Variants in COBL observed in about 807,000 individuals in gnomAD.
COBL encodes the protein protein cordon-bleu.
In COBL, 51 loss-of-function variants were observed where a neutral mutation model predicts 98.8. The ratio of observed to expected loss-of-function variants is 0.52; its 90% CI spans 0.41 to 0.65. The LOEUF is 0.65. COBL is among the 30% of genes least tolerant of loss of function. COBL has a pLI of 0.00. For synonymous variants in COBL, 634 were observed against 651.7 expected (o/e 0.97, Z 0.41); for missense variants, 1,617 against 1,617.5 (o/e 1.00, Z 0.01).
intron 5 of COBL, among the ~76,000 whole-genome samples, chr7:51,171,242 CG>C (rs1554413840): frequency 6.6e-6 from 1 of 152,020 alleles, no homozygotes; most frequent in Non-Finnish European, 1.5e-5. Flanking sequence ...CTTTGCAAGT[CG>C]GATGGCTCCC....
At chr7:51,124,612 G>C (rs1478451336) in intron 6 of COBL, among the ~76,000 whole-genome samples, 1 of 152,128 alleles carries the variant, frequency 6.6e-6, no homozygotes, top group Admixed American at 6.5e-5. Flanking sequence ...CACTGTCCTG[G>C]ACACCTATGT....
At position 51,136,140 on chromosome 7, in the gene COBL, A is replaced by T; in HGVS notation, c.957+18T>A. ...ACTGAAAAGATGCTTTGGTTGTGAGAACAGCCCACTGCCCTACCTTTTCCG... is the reference window on the plus strand; with the variant it reads ...ACTGAAAAGATGCTTTGGTTGTGAGTACAGCCCACTGCCCTACCTTTTCCG... On this transcript the variant is annotated intron_variant, in intron 6 of 12. Coordinates refer to ENST00000265136, the MANE Select transcript of COBL (RefSeq NM_015198.5). The T allele has an allele frequency of 6.2e-7, 1 of 1,602,194 alleles. No individual in the cohort carries two copies. Among genetic ancestry groups the T allele is most frequent in the Non-Finnish European group, 8.5e-7 (1 of 1,175,746 alleles).
chr7:51,191,899 G>A (rs568246265), intron 3 of COBL, among the ~76,000 whole-genome samples: 2 of 152,290 alleles, frequency 1.3e-5, no homozygotes, highest in Admixed American at 1.3e-4. Flanking sequence ...AAGGCCTCAC[G>A]CTCTCTTCCA....
chr7:51,287,185 A>G (rs1800449139), intron 1 of COBL, among the ~76,000 whole-genome samples: 3 of 152,202 alleles, frequency 2.0e-5, no homozygotes. Flanking sequence ...CCCAAACCTC[A>G]GCATCCCGCA....
At chr7:51,202,053 C>T (rs891949246) in intron 2 of COBL, among the ~76,000 whole-genome samples, 2 of 152,170 alleles carry the variant, frequency 1.3e-5, no homozygotes, top group Admixed American at 6.5e-5. Flanking sequence ...TATCAGATCG[C>T]TTGTCATGGT....
chr7:51,134,462 C>T (rs1413372002), intron 6 of COBL, among the ~76,000 whole-genome samples: 1 of 152,192 alleles, frequency 6.6e-6, no homozygotes, highest in Non-Finnish European at 1.5e-5. Context: ...CTCAAGCAGG[C>T]TTTATCCACT....
chr7:51,122,409 A>G (rs1797821985), intron 6 of COBL, among the ~76,000 whole-genome samples: 1 of 152,222 alleles, frequency 6.6e-6, no homozygotes, highest in African/African-American at 2.4e-5. Context: ...TCTGAACACA[A>G]TGCTGTCCTC....
intron 1 of COBL, among the ~76,000 whole-genome samples, chr7:51,220,149 G>T (rs1270984055): frequency 6.6e-6 from 1 of 152,176 alleles, no homozygotes; most frequent in African/African-American, 2.4e-5. Context: ...AGCATTCCCG[G>T]AAAGAAACAC....
At chr7:51,156,063 T>A (rs1786097635) in intron 5 of COBL, among the ~76,000 whole-genome samples, 1 of 152,178 alleles carries the variant, frequency 6.6e-6, no homozygotes, top group Non-Finnish European at 1.5e-5. Flanking sequence ...GTTTTTGCTA[T>A]AAAGCTAGAA....
At chr7:51,136,892 A>C (rs1799288104) in intron 5 of COBL, among the ~76,000 whole-genome samples, 1 of 152,236 alleles carries the variant, frequency 6.6e-6, no homozygotes. Context: ...TACCGTACTT[A>C]GTGACAGATA....
intron 7 of COBL, among the ~76,000 whole-genome samples, chr7:51,066,079 T>C (rs1791893932): frequency 6.6e-6 from 1 of 152,198 alleles, no homozygotes; most frequent in Non-Finnish European, 1.5e-5. Context: ...GACTAACATA[T>C]CAGTGCACTG....
intron 8 of COBL, among the ~76,000 whole-genome samples, chr7:51,040,394 T>C (rs1789065588): frequency 6.6e-6 from 1 of 152,172 alleles, no homozygotes; most frequent in South Asian, 2.1e-4. Flanking sequence ...CATCCTCATC[T>C]GACTGATGAG....
At chr7:51,065,076 C>A in intron 7 of COBL, 1 of 650,570 alleles carries the variant, frequency 1.5e-6, no homozygotes, top group South Asian at 1.8e-5. Flanking sequence ...AGAAGTCGGT[C>A]CATAGAAAAC....
intron 5 of COBL, among the ~76,000 whole-genome samples, chr7:51,159,113 G>C (rs984907533): frequency 1.3e-5 from 2 of 152,176 alleles, no homozygotes; most frequent in African/African-American, 4.8e-5. Context: ...CGGCGTTGCA[G>C]GCTCTCTGCA....
At position 51,028,408 on chromosome 7, in the gene COBL, A is replaced by G; in HGVS notation, c.2688T>C (p.Tyr896=). 3 of 1,614,252 alleles carry G rather than the reference A, an allele frequency of 1.9e-6. No homozygotes were observed. Among genetic ancestry groups the G allele is most frequent in the Non-Finnish European group, 2.5e-6 (3 of 1,180,036 alleles). Residue 896 remains tyrosine (Y), a synonymous_variant, in exon 10 of 13, where the codon TAT becomes TAC. Coordinates refer to ENST00000265136, the MANE Select transcript of COBL (RefSeq NM_015198.5). ...CAGCCAGCACTGGCGCCTTGCCTGC[A>G]TAACCCTTCTCGGCATAACCGTGTG... is the stretch of plus-strand genomic sequence containing the variant. ...VRPHGYAEKG[Y]AGKAPVLAAP... is the part of the protein sequence containing the mutation.
chr7:51,204,138 A>G (rs543200110), intron 2 of COBL, among the ~76,000 whole-genome samples: 2 of 152,350 alleles, frequency 1.3e-5, no homozygotes, highest in South Asian at 4.1e-4. Context: ...AATCATCTCA[A>G]TGGATACAGA....
chr7:51,132,243 G>A (rs1029907132), intron 6 of COBL, among the ~76,000 whole-genome samples: 14 of 152,296 alleles, frequency 9.2e-5, no homozygotes, highest in Admixed American at 7.2e-4. Flanking sequence ...GTCCCCCACT[G>A]CACTGTGGCC....
At position 51,302,683 on chromosome 7, in the gene COBL, A is replaced by T. The variant is rs142588197; in HGVS notation, c.41+13910T>A. On this transcript the variant is annotated intron_variant, in intron 1 of 12. Transcript: ENST00000265136. Reference sequence around the variant, plus strand: ...GAGCCAAGACAGGGAGGATTGCTTAAGGCCAGGAGTTCAAGACTGGCCTGG... The same window carrying T: ...GAGCCAAGACAGGGAGGATTGCTTATGGCCAGGAGTTCAAGACTGGCCTGG... 6.0e-3 allele frequency among the ~76,000 whole-genome samples: 916 copies of T among 152,228 alleles called. 14 individuals carry two copies. The highest frequency in any genetic ancestry group is 0.021 in the African/African-American group (863 of 41,538).
At chr7:51,208,271 C>T (rs1448050830) in intron 2 of COBL, among the ~76,000 whole-genome samples, 2 of 151,074 alleles carry the variant, frequency 1.3e-5, no homozygotes, top group South Asian at 4.2e-4. Context: ...CCCCTCCGCC[C>T]GGCAGCCACC....
Sources: allele counts gnomAD v4.1 joint callset (sites outside exome capture counted in the v4.1 genomes callset), GRCh38; gene constraint gnomAD v4.1.1; transcripts MANE v1.5; gene names NCBI Gene and HGNC (gene_info 2026-07-23, HGNC 2026-07-21).